Variants in CCSER1 observed in about 807,000 individuals in gnomAD.
CCSER1 encodes coiled-coil serine rich protein 1.
In CCSER1, 41 loss-of-function variants were observed where a neutral mutation model predicts 82.0. The ratio of observed to expected loss-of-function variants is 0.50; its 90% CI spans 0.39 to 0.65. The LOEUF (loss-of-function observed/expected upper bound fraction) is 0.65, where lower values mean the gene tolerates loss of function less well. CCSER1 is among the 30% of genes least tolerant of loss of function. The probability of loss-of-function intolerance (pLI) is 0.00; values close to 1 mark genes in which losing one functional copy is unlikely to be tolerated. For synonymous variants in CCSER1, 414 were observed against 383.9 expected (o/e 1.08, Z -0.92); for missense variants, 1,119 against 1,064.2 (o/e 1.05, Z -0.72).
chr4:91,309,156 CCGTCCTTTT>C (rs1381727077), intron 10 of CCSER1, among the ~76,000 whole-genome samples: 1 of 151,916 alleles, frequency 6.6e-6, no homozygotes, highest in Admixed American at 6.6e-5. Context: ...TAAATCTTGT[CCGTCCTTTT>C]TAGATGATTA....
chr4:91,380,532 G>T (rs1041851892), intron 10 of CCSER1, among the ~76,000 whole-genome samples: 2 of 152,202 alleles, frequency 1.3e-5, no homozygotes, highest in Admixed American at 6.5e-5. Flanking sequence ...GATCTTTGAT[G>T]GTTTAAAGTC....
chr4:91,494,892 AATTTT>A (rs1287388435), intron 10 of CCSER1, among the ~76,000 whole-genome samples: 1 of 151,702 alleles, frequency 6.6e-6, no homozygotes, highest in African/African-American at 2.4e-5. Flanking sequence ...TTATGTCATT[AATTTT>A]ATTTTATTAT....
rs1756147102 is a variant in CCSER1, at chr4:91,455,989, C to T, written c.2218-142583C>T. Reference sequence around the variant, plus strand: ...GAAAAGTCATCTCTGTAATTCTGACCTAAGATAATGAGAATCTGAATCATG... The same window carrying T: ...GAAAAGTCATCTCTGTAATTCTGACTTAAGATAATGAGAATCTGAATCATG... On this transcript the variant is annotated intron_variant, in intron 10 of 10. Coordinates refer to ENST00000509176, the MANE Select transcript of CCSER1 (RefSeq NM_001145065.2). 2.0e-5 allele frequency among the ~76,000 whole-genome samples: 3 copies of T among 151,986 alleles called. No homozygotes were observed. The South Asian group carries it at 6.2e-4, about 32-fold the overall frequency.
intron 8 of CCSER1, among the ~76,000 whole-genome samples, chr4:90,917,525 G>T (rs6811626): frequency 1.3e-3 from 200 of 151,924 alleles, no homozygotes; most frequent in African/African-American, 3.8e-3. Flanking sequence ...GGTAGAAGGA[G>T]GGGGGAGGGA....
At chr4:90,958,691 T>C (rs1459502612) in intron 9 of CCSER1, among the ~76,000 whole-genome samples, 3 of 152,128 alleles carry the variant, frequency 2.0e-5, no homozygotes, top group Non-Finnish European at 4.4e-5. Context: ...AGGATTCATG[T>C]CCTTATAAGG....
chr4:91,380,653 A>G (rs998100175), intron 10 of CCSER1, among the ~76,000 whole-genome samples: 4 of 152,014 alleles, frequency 2.6e-5, no homozygotes, highest in African/African-American at 9.7e-5. Context: ...TGCATGTGAG[A>G]TGGATCTCCT....
At chr4:90,212,815 G>C (rs886896029) in intron 1 of CCSER1, among the ~76,000 whole-genome samples, 2 of 152,200 alleles carry the variant, frequency 1.3e-5, no homozygotes, top group African/African-American at 4.8e-5. Flanking sequence ...CATTTGAGCA[G>C]AGATCTTTGG....
chr4:90,236,290 A>G (rs955011504), intron 1 of CCSER1, among the ~76,000 whole-genome samples: 2 of 152,148 alleles, frequency 1.3e-5, no homozygotes, highest in African/African-American at 4.8e-5. Context: ...TTATTGTCTT[A>G]ACTGAAAGCA....
chr4:90,371,935 A>G (rs1319415176), intron 3 of CCSER1, among the ~76,000 whole-genome samples: 1 of 152,218 alleles, frequency 6.6e-6, no homozygotes, highest in East Asian at 1.9e-4. Flanking sequence ...ACACTAACCT[A>G]TATATATGTT....
At chr4:90,815,712 C>G in intron 7 of CCSER1, 50 bp from the exon 8 acceptor site, 2 of 1,335,350 alleles carry the variant, frequency 1.5e-6, no homozygotes, top group Non-Finnish European at 2.1e-6. Flanking sequence ...TTATCAAGAG[C>G]AAAGTAAAAG....
chr4:91,181,714 G>C (rs181758534), intron 10 of CCSER1, among the ~76,000 whole-genome samples: 6 of 152,292 alleles, frequency 3.9e-5, no homozygotes, highest in Non-Finnish European at 4.4e-5. Context: ...TTGTTGTGCA[G>C]CACCTCTGTC....
At chr4:91,044,395 T>C (rs1742255788) in intron 9 of CCSER1, among the ~76,000 whole-genome samples, 1 of 152,230 alleles carries the variant, frequency 6.6e-6, no homozygotes, top group Admixed American at 6.5e-5. Flanking sequence ...TTTTTGGCTT[T>C]GCAGCGCACA....
At chr4:91,363,951 T>C (rs958040553) in intron 10 of CCSER1, among the ~76,000 whole-genome samples, 2 of 151,724 alleles carry the variant, frequency 1.3e-5, no homozygotes, top group East Asian at 1.9e-4. Context: ...GTCTATTGTA[T>C]TGATTATACT....
rs553910487 is a variant in CCSER1, at chr4:91,087,881, T to C, written c.2217+1887T>C. Among the ~76,000 whole-genome samples the C allele has an allele frequency of 2.6e-3, 400 of 152,274 alleles. 3 individuals are homozygous for C. Among genetic ancestry groups the C allele is most frequent in the African/African-American group, 9.3e-3 (386 of 41,578 alleles). ...CTTTCCCTGTGACTAAGAGGCCTAG[T>C]ATGTTCTAAGATAAGAAACTTCAGG... On this transcript the variant is annotated intron_variant, in intron 10 of 10. Transcript: ENST00000509176.
At chr4:91,216,617 G>T (rs1459310637) in intron 10 of CCSER1, among the ~76,000 whole-genome samples, 1 of 152,146 alleles carries the variant, frequency 6.6e-6, no homozygotes, top group African/African-American at 2.4e-5. Context: ...ACTGCGCCAG[G>T]CCTATAGCAT....
intron 1 of CCSER1, among the ~76,000 whole-genome samples, chr4:90,284,066 C>CT (rs2153462068): frequency 1.3e-5 from 2 of 152,062 alleles, no homozygotes; most frequent in South Asian, 4.2e-4. Context: ...TTGCATTTCT[C>CT]TTATTAGTGA....
intron 9 of CCSER1, among the ~76,000 whole-genome samples, chr4:90,966,693 C>T (rs1490672866): frequency 1.3e-5 from 2 of 152,022 alleles, no homozygotes; most frequent in Admixed American, 6.6e-5. Flanking sequence ...AATATGAAAA[C>T]TTATACATTT....
At chr4:91,216,292 C>A (rs555429067) in intron 10 of CCSER1, among the ~76,000 whole-genome samples, 12 of 152,262 alleles carry the variant, frequency 7.9e-5, no homozygotes, top group Non-Finnish European at 1.3e-4. Context: ...TAACATGATG[C>A]ATTAAGTAGG....
chr4:90,881,788 A>T (rs1012867007), intron 8 of CCSER1, among the ~76,000 whole-genome samples: 1 of 152,154 alleles, frequency 6.6e-6, no homozygotes, highest in African/African-American at 2.4e-5. Flanking sequence ...ATGTCTCAAA[A>T]AGAAAAAGAA....
Sources: allele counts gnomAD v4.1 joint callset (sites outside exome capture counted in the v4.1 genomes callset), GRCh38; gene constraint gnomAD v4.1.1; transcripts MANE v1.5; gene names NCBI Gene and HGNC (gene_info 2026-07-23, HGNC 2026-07-21).